GMNC: variants seen among roughly 807,000 people sequenced by gnomAD.
GMNC encodes geminin coiled-coil domain containing.
In GMNC, 16 loss-of-function variants were observed where a neutral mutation model predicts 33.6. That is an observed-to-expected ratio of 0.48 (90% CI 0.32 to 0.72). The LOEUF (loss-of-function observed/expected upper bound fraction) is 0.72, where lower values mean the gene tolerates loss of function less well. Ranked by LOEUF, GMNC falls within the 30% of genes least tolerant of loss-of-function variation. The pLI is 0.03. For missense variants in GMNC, 393 were observed against 388.9 expected (o/e 1.01, Z -0.09); for synonymous variants, 156 against 147.3 (o/e 1.06, Z -0.43).
downstream of GMNC, among the ~76,000 whole-genome samples, chr3:190,849,392 TG>T (rs1296536503): frequency 6.6e-6 from 1 of 152,176 alleles, no homozygotes; most frequent in Non-Finnish European, 1.5e-5. Flanking sequence ...AATAACTCTG[TG>T]GCTTCTGGAA....
downstream of GMNC, among the ~76,000 whole-genome samples, chr3:190,849,975 A>T (rs1304514513): frequency 1.3e-5 from 2 of 152,230 alleles, no homozygotes; most frequent in African/African-American, 4.8e-5. Context: ...TTAGGCTTTA[A>T]TATTAGTAAC....
rs1342111293 is a variant in GMNC at position 190,862,440 on chromosome 3, A to G, written c.3+173T>C. ...AGAGAAAGAGAGAGAGAGAGAGAGA[A>G]AGCAGATAGAGGATACTAAAAGAGA... On this transcript the variant is annotated intron_variant, in intron 1 of 4. Coordinates refer to ENST00000442080, the MANE Select transcript of GMNC (RefSeq NM_001146686.3). The surrounding 1 kb of genome is among the most constrained non-coding windows in gnomAD (Gnocchi z 4.5). Among the ~76,000 whole-genome samples the G allele has an allele frequency of 1.4e-5, 2 of 148,146 alleles. No individual in the cohort carries two copies. The highest frequency in any genetic ancestry group is 3.0e-5 in the Non-Finnish European group (2 of 67,074).
intron 3 of GMNC, among the ~76,000 whole-genome samples, chr3:190,858,477 A>G (rs976706117): frequency 2.0e-5 from 3 of 152,218 alleles, no homozygotes; most frequent in African/African-American, 7.2e-5. Context: ...ACTAGATTAA[A>G]TTATCCTTCA....
At chr3:190,847,796 G>A (rs143344750), downstream of GMNC, among the ~76,000 whole-genome samples, 1 of 152,112 alleles carries the variant, frequency 6.6e-6, no homozygotes, top group African/African-American at 2.4e-5. Context: ...GTTAGGATAG[G>A]CTCTTTTCTC....
At position 190,857,827 on chromosome 3, in the gene GMNC, A is replaced by G. The variant is rs773211032; in HGVS notation, c.340T>C (p.Tyr114His). 2 of 1,550,366 alleles carry G rather than the reference A, an allele frequency of 1.3e-6. No individual in the cohort carries two copies. Among genetic ancestry groups the G allele is most frequent in the South Asian group, 1.2e-5 (1 of 84,030 alleles). ...CATTTAACCAAAGCAGAATTCAGGT[A>G]TTGTCTGAGGTGATTATTCTCTTCG... ...LHEENNHLRQ[Y>H]LNSALVKCLE... The change falls in exon 4 of 5, where the codon TAC becomes CAC. Residue 114 changes from tyrosine (Y) to histidine (H), a missense_variant. By Grantham distance (83) the Tyr-to-His change is moderately conservative (BLOSUM62 2). Transcript: ENST00000442080.
the GMNC span, among the ~76,000 whole-genome samples, chr3:190,847,310 C>T: frequency 6.6e-6 from 1 of 152,114 alleles, no homozygotes; most frequent in Non-Finnish European, 1.5e-5. Context: ...TAGTTATGCT[C>T]CTGGTGTGAT....
chr3:190,860,016 A>C (rs1285973510), intron 2 of GMNC, among the ~76,000 whole-genome samples: 1 of 152,240 alleles, frequency 6.6e-6, no homozygotes, highest in Admixed American at 6.5e-5. Flanking sequence ...CTTTTTAAAA[A>C]ATAAAACAAA....
chr3:190,857,810 C>A lies in GMNC; in HGVS notation c.357G>T (p.Leu119Phe). ...NHLRQYLNSA[L>F]VKCLEEKAKK... ...TGGCCTTTTCTTCAAGACATTTAAC[C>A]AAAGCAGAATTCAGGTATTGTCTGA... is the stretch of plus-strand genomic sequence containing the variant. The change falls in exon 4 of 5, where the codon TTG becomes TTT. Residue 119 changes from leucine to phenylalanine, a missense_variant. By Grantham distance (22) the Leu-to-Phe change is conservative. Transcript: ENST00000442080. 6.5e-7 allele frequency: 1 copy of A among 1,547,436 alleles called. No individual in the cohort carries two copies. Among genetic ancestry groups the A allele is most frequent in the Non-Finnish European group, 8.7e-7 (1 of 1,143,226 alleles).
chr3:190,858,916 A>C lies in GMNC; in HGVS notation c.267+12T>G. 1 of 1,496,492 alleles carries C rather than the reference A, an allele frequency of 6.7e-7. No homozygotes were observed. Among genetic ancestry groups the C allele is most frequent in the Non-Finnish European group, 9.1e-7 (1 of 1,097,314 alleles). The allele number at this position is 1,496,492 out of a possible 1,614,324, so 92.7% of individuals were successfully genotyped here. On this transcript the variant is annotated intron_variant, in intron 3 of 4. Coordinates refer to ENST00000442080, the MANE Select transcript of GMNC (RefSeq NM_001146686.3). Reference sequence around the variant, plus strand: ...GAACATGACCAGTCTCAATGTTCTGACTTACACATACCTGCTTATTTCTGT... The same window carrying C: ...GAACATGACCAGTCTCAATGTTCTGCCTTACACATACCTGCTTATTTCTGT...
chr3:190,861,001 A>G lies in GMNC; in HGVS notation c.4-143T>C. 1.7e-6 allele frequency: 1 copy of G among 574,798 alleles called. No homozygotes were observed. The highest frequency in any genetic ancestry group is 3.0e-6 in the Non-Finnish European group (1 of 336,064). 35.6% of individuals were successfully genotyped at this position (574,798 alleles called of 1,614,324 possible). Reference sequence around the variant, plus strand: ...AAATCAGAAAAGGTGTTAAGTATAGATCCATATTAATTTTGGGGTGGTCAA... The same window carrying G: ...AAATCAGAAAAGGTGTTAAGTATAGGTCCATATTAATTTTGGGGTGGTCAA... On this transcript the variant is annotated intron_variant, in intron 1 of 4. Transcript: ENST00000442080. This position sits in a 1 kb window ranked among gnomAD's most constrained non-coding sequence, Gnocchi z 5.1.
intron 4 of GMNC, among the ~76,000 whole-genome samples, chr3:190,857,539 C>G (rs906439487): frequency 1.3e-5 from 2 of 152,092 alleles, no homozygotes; most frequent in Non-Finnish European, 2.9e-5. Flanking sequence ...CCCCCACCCT[C>G]GACTAGCATT....
Position 190,855,741 on chromosome 3 carries a change from G to A in GMNC, c.559C>T (p.Pro187Ser). 1 of 1,551,506 alleles carries A rather than the reference G, an allele frequency of 6.4e-7. No individual in the cohort carries two copies. The highest frequency in any genetic ancestry group is 2.0e-5 in the Admixed American group (1 of 50,974). Residue 187 changes from proline to serine, a missense_variant, in exon 5 of 5, where the codon CCC (proline) becomes TCC (serine). Physicochemically the swap from Pro to Ser is moderately conservative, Grantham distance 74. Transcript: ENST00000442080. ...AACCCAAGTGTTTGAAGGACCCAGG[G>A]ATCCACAGGGGGCCCAGCTTGTTCT... ...CEEQAGPPVD[P>S]WVLQTLGLKD...
the GMNC span, among the ~76,000 whole-genome samples, chr3:190,847,156 T>A: frequency 6.6e-6 from 1 of 152,196 alleles, no homozygotes; most frequent in Admixed American, 6.5e-5. Flanking sequence ...CTGGCAGAAA[T>A]AGAAGTGCTG....
chr3:190,849,760 G>A (rs147713401), downstream of GMNC, among the ~76,000 whole-genome samples: 3 of 152,322 alleles, frequency 2.0e-5, no homozygotes, highest in Non-Finnish European at 4.4e-5. Flanking sequence ...GATTTCCAAA[G>A]TGTGAGGATA....
downstream of GMNC, among the ~76,000 whole-genome samples, chr3:190,852,302 C>T (rs1737647138): frequency 6.6e-6 from 1 of 152,040 alleles, no homozygotes; most frequent in African/African-American, 2.4e-5. Flanking sequence ...TGAATTAAAT[C>T]AAATAGATAA....
chr3:190,847,759 C>T (rs116845924), downstream of GMNC, among the ~76,000 whole-genome samples: 101 of 152,260 alleles, frequency 6.6e-4, 4 homozygotes, highest in East Asian at 0.017. Flanking sequence ...TCCCCCTCTT[C>T]CTCTAATGGG....
In GMNC at chr3:190,855,436, G is replaced by C; in HGVS notation, c.864C>G (p.Pro288=). The part of the protein sequence containing the change: ...TLPYYTAHVS[P]NKTEMAFSTS... ...TGGAAAATGCCATCTCTGTCTTGTT[G>C]GGTGACACATGAGCAGTATAGTAAG... Residue 288 remains proline, a synonymous_variant, in exon 5 of 5, where the codon CCC becomes CCG. Transcript: ENST00000442080. 1 of 1,551,994 alleles carries C rather than the reference G, an allele frequency of 6.4e-7. No individual in the cohort carries two copies. The highest frequency in any genetic ancestry group is 8.7e-7 in the Non-Finnish European group (1 of 1,147,002).
Position 190,855,667 on chromosome 3 carries a change from G to T in GMNC, c.633C>A (p.Ala211=). The T allele has an allele frequency of 1.9e-6, 3 of 1,551,578 alleles. No individual in the cohort carries two copies. Among genetic ancestry groups the T allele is most frequent in the Non-Finnish European group, 8.7e-7 (1 of 1,146,910 alleles). Residue 211 remains alanine, a synonymous_variant, in exon 5 of 5, where the codon GCC becomes GCA. Transcript: ENST00000442080. Reference sequence around the variant, plus strand: ...CGACTCTTCTGGGATGAGATGCGAGGGCACTGTAGTTAGCTGATGAGGTGT... The same window carrying T: ...CGACTCTTCTGGGATGAGATGCGAGTGCACTGTAGTTAGCTGATGAGGTGT... ...IDDTSSANYS[A]LASHPRRVAS...
At position 190,862,424 on chromosome 3, in the gene GMNC, G is replaced by A. The variant is rs563506594; in HGVS notation, c.3+189C>T. Among the ~76,000 whole-genome samples, 1 of 144,822 alleles carries A rather than the reference G, an allele frequency of 6.9e-6. No homozygotes were observed. Among genetic ancestry groups the A allele is most frequent in the South Asian group, 2.1e-4 (1 of 4,770 alleles). ...GAAGAGGGAGAGAGGGAGAGAAAGA[G>A]AGAGAGAGAGAGAGAAAGCAGATAG... On this transcript the variant is annotated intron_variant, in intron 1 of 4. Transcript: ENST00000442080. This position sits in a 1 kb window ranked among gnomAD's most constrained non-coding sequence, Gnocchi z 4.5.
Sources: allele counts gnomAD v4.1 joint callset (sites outside exome capture counted in the v4.1 genomes callset), GRCh38; gene constraint gnomAD v4.1.1; non-coding constraint Gnocchi (gnomAD v3.1); transcripts MANE v1.5; gene names NCBI Gene and HGNC (gene_info 2026-07-23, HGNC 2026-07-21).